The following PTPRM variants were observed in gnomAD, a reference collection of about 807,000 sequenced individuals.
PTPRM encodes receptor-type tyrosine-protein phosphatase mu.
Under a neutral mutation model 186.7 loss-of-function variants are expected in PTPRM, and 47 were observed. The ratio of observed to expected loss-of-function variants is 0.25; its 90% CI spans 0.20 to 0.32. PTPRM has a LOEUF of 0.32. PTPRM is among the 10% of genes least tolerant of loss of function. PTPRM has a pLI of 1.00. For missense variants in PTPRM, 1,494 were observed against 1,865.0 expected, an observed-to-expected ratio of 0.80 and a Z score of 3.66; for synonymous variants, 668 against 674.9, an observed-to-expected ratio of 0.99 and a Z score of 0.16.
chr18:8,203,393 A>G (rs1425172485), intron 14 of PTPRM, among the ~76,000 whole-genome samples: 2 of 152,228 alleles, frequency 1.3e-5, no homozygotes, highest in Non-Finnish European at 2.9e-5. Context: ...ACTGGCTTTC[A>G]TTCTTTAAAA....
intron 1 of PTPRM, among the ~76,000 whole-genome samples, chr18:7,618,855 TG>T (rs1394363786): frequency 1.3e-5 from 2 of 152,234 alleles, no homozygotes. Context: ...CAATTTTGTG[TG>T]GGATTGGGTA....
At chr18:7,609,963 A>G (rs2037632021) in intron 1 of PTPRM, among the ~76,000 whole-genome samples, 3 of 152,188 alleles carry the variant, frequency 2.0e-5, no homozygotes, top group Admixed American at 6.5e-5. Flanking sequence ...TAAACAAATG[A>G]CTTACACTAT....
At chr18:8,329,948 G>C (rs653652) in intron 22 of PTPRM, among the ~76,000 whole-genome samples, 1 of 152,006 alleles carries the variant, frequency 6.6e-6, no homozygotes, top group Non-Finnish European at 1.5e-5. Context: ...ACAGGGATAA[G>C]CAACCACACC....
chr18:7,866,573 C>T (rs1288820058), intron 2 of PTPRM, among the ~76,000 whole-genome samples: 1 of 152,146 alleles, frequency 6.6e-6, no homozygotes, highest in Non-Finnish European at 1.5e-5. Flanking sequence ...GATTTCCGTT[C>T]TTTTGCATAT....
chr18:8,148,782 G>A (rs1203950199), intron 14 of PTPRM, among the ~76,000 whole-genome samples: 1 of 152,046 alleles, frequency 6.6e-6, no homozygotes, highest in Non-Finnish European at 1.5e-5. Context: ...TCTCTTGTGG[G>A]CCTTTAGTGC....
In PTPRM at chr18:8,103,852, C is replaced by T. The variant is rs566657063; in HGVS notation, c.1857-9634C>T. ...CTTCCTCACTGTGCTTAATAATTTC[C>T]GGCTTTTAATTTAAGGTGAGAGGCT... On this transcript the variant is annotated intron_variant, in intron 11 of 32. Coordinates refer to ENST00000580170, the MANE Select transcript of PTPRM (RefSeq NM_001105244.2). 3.9e-5 allele frequency among the ~76,000 whole-genome samples: 6 copies of T among 152,232 alleles called. No homozygotes were observed. The East Asian group carries it at 5.8e-4, about 15-fold the overall frequency.
intron 14 of PTPRM, among the ~76,000 whole-genome samples, chr18:8,164,009 G>A (rs112086131): frequency 0.015 from 2,324 of 152,300 alleles, 49 homozygotes; most frequent in African/African-American, 0.053. Context: ...AACCAGAGCT[G>A]TGTGCAAGTA....
intron 11 of PTPRM, among the ~76,000 whole-genome samples, chr18:8,093,826 A>G (rs1266923817): frequency 2.0e-5 from 3 of 152,218 alleles, no homozygotes; most frequent in South Asian, 4.1e-4. Context: ...CAACATAGTA[A>G]ATTTCACAAT....
intron 2 of PTPRM, among the ~76,000 whole-genome samples, chr18:7,830,938 G>A (rs1161980527): frequency 2.6e-5 from 4 of 152,164 alleles, no homozygotes; most frequent in Non-Finnish European, 4.4e-5. Flanking sequence ...TTTGGTGTAG[G>A]ATATGGAGTT....
chr18:7,857,476 A>G (rs908462905), intron 2 of PTPRM, among the ~76,000 whole-genome samples: 1 of 152,198 alleles, frequency 6.6e-6, no homozygotes, highest in Non-Finnish European at 1.5e-5. Context: ...TGAAAATTAT[A>G]GAAGAAATAT....
chr18:8,021,324 A>G (rs2085210760), intron 7 of PTPRM, among the ~76,000 whole-genome samples: 1 of 38,310 alleles, frequency 2.6e-5, no homozygotes, highest in Admixed American at 2.6e-4. Flanking sequence ...AGAGACACAC[A>G]CACACACACA....
intron 14 of PTPRM, among the ~76,000 whole-genome samples, chr18:8,238,541 T>G (rs551257230): frequency 6.6e-6 from 1 of 152,078 alleles, no homozygotes; most frequent in Non-Finnish European, 1.5e-5. Flanking sequence ...TTAGAGCTCA[T>G]AGCATACTAA....
At chr18:7,667,413 G>C (rs2039120751) in intron 1 of PTPRM, among the ~76,000 whole-genome samples, 1 of 151,978 alleles carries the variant, frequency 6.6e-6, no homozygotes, top group African/African-American at 2.4e-5. Context: ...AACCCCCTCG[G>C]GCCTATAGGT....
intron 7 of PTPRM, among the ~76,000 whole-genome samples, chr18:8,012,859 A>AT (rs763706909): frequency 3.3e-5 from 5 of 151,506 alleles, no homozygotes; most frequent in African/African-American, 7.3e-5. Flanking sequence ...AATGAAGTGT[A>AT]TTTTTTTTTC....
chr18:7,848,869 CATTTAA>C (rs1329900784), intron 2 of PTPRM, among the ~76,000 whole-genome samples: 4 of 152,126 alleles, frequency 2.6e-5, no homozygotes, highest in Admixed American at 2.6e-4. Flanking sequence ...TTTAAATTTT[CATTTAA>C]AATGTTGGTA....
At chr18:8,378,243 C>A in intron 26 of PTPRM, 22 bp from the exon 27 acceptor site, 1 of 1,595,940 alleles carries the variant, frequency 6.3e-7, no homozygotes, top group South Asian at 1.1e-5. Flanking sequence ...AAGTTAGTAA[C>A]TCGTTCCATC....
chr18:8,000,367 C>T (rs916606401), intron 7 of PTPRM, among the ~76,000 whole-genome samples: 1 of 152,166 alleles, frequency 6.6e-6, no homozygotes, highest in African/African-American at 2.4e-5. Flanking sequence ...TGGCATGTGT[C>T]TGTTATTAAT....
chr18:7,653,553 T>A (rs953203296), intron 1 of PTPRM, among the ~76,000 whole-genome samples: 8 of 152,138 alleles, frequency 5.3e-5, no homozygotes, highest in African/African-American at 1.9e-4. Flanking sequence ...CTCCCCCTTA[T>A]CAGTGAGAAC....
At chr18:7,948,552 A>G (rs987975587) in intron 5 of PTPRM, among the ~76,000 whole-genome samples, 2 of 152,176 alleles carry the variant, frequency 1.3e-5, no homozygotes, top group African/African-American at 2.4e-5. Flanking sequence ...AACTTTGTTT[A>G]TGTGGTCCTG....
Sources: allele counts gnomAD v4.1 joint callset (sites outside exome capture counted in the v4.1 genomes callset), GRCh38; gene constraint gnomAD v4.1.1; transcripts MANE v1.5; gene names NCBI Gene and HGNC (gene_info 2026-07-23, HGNC 2026-07-21).